CSMD1: variants seen among roughly 807,000 people sequenced by gnomAD.
CSMD1 encodes CUB and Sushi multiple domains 1.
CSMD1 carries 213 observed loss-of-function variants against 417.5 expected under a neutral mutation model. The observed-to-expected ratio is 0.51, with a 90% CI of 0.46 to 0.57. The LOEUF (loss-of-function observed/expected upper bound fraction) is 0.57, where lower values mean the gene tolerates loss of function less well. Among genes scored for constraint, CSMD1 ranks in the 20% least tolerant of loss-of-function variants. The probability of loss-of-function intolerance (pLI) is 0.00; values close to 1 mark genes in which losing one functional copy is unlikely to be tolerated. For synonymous variants in CSMD1, 2,862 were observed against 1,736.8 expected (o/e 1.65, Z -16.11); for missense variants, 6,923 against 4,529.7 (o/e 1.53, Z -15.17).
intron 6 of CSMD1, among the ~76,000 whole-genome samples, chr8:3,753,197 T>A (rs77203908): frequency 5.9e-5 from 9 of 152,254 alleles, no homozygotes; most frequent in African/African-American, 2.2e-4. Flanking sequence ...GGCACTTTGA[T>A]TGGGAAGGTC....
At chr8:3,144,296 A>T (rs1232950896) in intron 40 of CSMD1, among the ~76,000 whole-genome samples, 1 of 152,152 alleles carries the variant, frequency 6.6e-6, no homozygotes, top group Non-Finnish European at 1.5e-5. Flanking sequence ...AGACTAGACA[A>T]GAGCTGACAG....
Position 3,230,702 on chromosome 8 carries a change from G to A in CSMD1, c.4154-471C>T, listed in dbSNP as rs187369277. 2.9e-3 allele frequency among the ~76,000 whole-genome samples: 438 copies of A among 152,222 alleles called. 1 individual carries two copies. Among genetic ancestry groups the A allele is most frequent in the African/African-American group, 1.0e-2 (415 of 41,524 alleles). ...CTTTGTTGAGATGCCAAGGGTGGAA[G>A]GTCTAGAGGAGATGACCAGTGAGTT... On this transcript the variant is annotated intron_variant, in intron 26 of 69. Transcript: ENST00000635120.
chr8:3,155,239 T>C (rs1247881677), intron 39 of CSMD1, among the ~76,000 whole-genome samples: 5 of 152,008 alleles, frequency 3.3e-5, no homozygotes, highest in African/African-American at 7.2e-5. Flanking sequence ...TCCTGACTTT[T>C]AGGGAAGGCT....
chr8:4,922,837 T>C (rs901071158), intron 1 of CSMD1, among the ~76,000 whole-genome samples: 50 of 152,202 alleles, frequency 3.3e-4, no homozygotes, highest in African/African-American at 1.1e-3. Context: ...AGGAATTCCT[T>C]TACCAAGTTT....
intron 53 of CSMD1, among the ~76,000 whole-genome samples, chr8:2,999,402 C>T (rs1807202445): frequency 1.3e-5 from 2 of 152,262 alleles, no homozygotes; most frequent in Admixed American, 1.3e-4. Flanking sequence ...GATCCACCTG[C>T]CTCAGCCTCC....
chr8:4,741,074 G>A (rs1810572375), intron 1 of CSMD1, among the ~76,000 whole-genome samples: 2 of 151,978 alleles, frequency 1.3e-5, no homozygotes, highest in South Asian at 4.2e-4. Context: ...ATGCTTTAAG[G>A]AATGAAAATA....
chr8:3,658,217 T>C (rs1798227685), intron 7 of CSMD1, among the ~76,000 whole-genome samples: 2 of 152,108 alleles, frequency 1.3e-5, no homozygotes, highest in Non-Finnish European at 2.9e-5. Context: ...TGACTCTCAA[T>C]GTAAAATAAA....
chr8:3,610,407 T>C (rs996593370), intron 8 of CSMD1, among the ~76,000 whole-genome samples: 8 of 152,132 alleles, frequency 5.3e-5, no homozygotes, highest in Admixed American at 2.0e-4. Context: ...CAGTGGCTCA[T>C]GCTTATACTC....
chr8:3,194,979 G>A (rs181356823), intron 33 of CSMD1, among the ~76,000 whole-genome samples: 81 of 152,166 alleles, frequency 5.3e-4, no homozygotes, highest in African/African-American at 1.0e-3. Flanking sequence ...TGGGCACTGC[G>A]GAAGGGGTTC....
intron 10 of CSMD1, among the ~76,000 whole-genome samples, chr8:3,495,730 CA>C (rs2117314570): frequency 6.6e-6 from 1 of 152,228 alleles, no homozygotes; most frequent in East Asian, 1.9e-4. Flanking sequence ...ACCAGAGATG[CA>C]AATGAAAACT....
chr8:4,037,072 C>T (rs1023363332), intron 3 of CSMD1, among the ~76,000 whole-genome samples: 1 of 151,992 alleles, frequency 6.6e-6, no homozygotes, highest in Non-Finnish European at 1.5e-5. Flanking sequence ...CAGCTCTGGC[C>T]ACCCACAACC....
intron 47 of CSMD1, among the ~76,000 whole-genome samples, chr8:3,094,685 G>C (rs1045165202): frequency 2.6e-5 from 4 of 151,248 alleles, no homozygotes; most frequent in African/African-American, 9.7e-5. Flanking sequence ...AGCATTATGG[G>C]ATATCCACTA....
At chr8:3,643,724 G>GAAAAAAAAAAAAAAAAAAAAAA (rs1431798280) in intron 7 of CSMD1, among the ~76,000 whole-genome samples, 4 of 120,832 alleles carry the variant, frequency 3.3e-5, no homozygotes, top group East Asian at 4.8e-4. Flanking sequence ...AAAAAAAAAG[G>GAAAAAAAAAAAAAAAAAAAAAA]AAATGCCTCC....
intron 1 of CSMD1, among the ~76,000 whole-genome samples, chr8:4,689,307 G>A (rs541005800): frequency 2.0e-5 from 3 of 152,224 alleles, no homozygotes; most frequent in African/African-American, 4.8e-5. Flanking sequence ...AGGTATATTT[G>A]GGTTTTGCTA....
intron 3 of CSMD1, among the ~76,000 whole-genome samples, chr8:4,140,644 G>A (rs544561011): frequency 6.6e-6 from 1 of 150,750 alleles, no homozygotes. Flanking sequence ...CTCCAGGCTG[G>A]GCAACAGAGC....
At chr8:4,292,409 C>A (rs1279987067) in intron 3 of CSMD1, among the ~76,000 whole-genome samples, 1 of 151,974 alleles carries the variant, frequency 6.6e-6, no homozygotes, top group East Asian at 1.9e-4. Flanking sequence ...CCCGCCACCA[C>A]GCCCGGCTAA....
chr8:3,119,424 C>T (rs557068341), intron 41 of CSMD1, among the ~76,000 whole-genome samples: 1 of 134,382 alleles, frequency 7.4e-6, no homozygotes, highest in Admixed American at 8.1e-5. Context: ...ACTGTATAAT[C>T]CCTAAGCTGA....
chr8:3,421,936 C>T (rs1387761848), intron 12 of CSMD1, among the ~76,000 whole-genome samples: 1 of 151,516 alleles, frequency 6.6e-6, no homozygotes, highest in East Asian at 1.9e-4. Context: ...CGGCGCCCGG[C>T]CCCACAGATG....
At chr8:4,771,062 T>A (rs1796574037) in intron 1 of CSMD1, among the ~76,000 whole-genome samples, 1 of 152,148 alleles carries the variant, frequency 6.6e-6, no homozygotes, top group Non-Finnish European at 1.5e-5. Context: ...ATATATCAGA[T>A]AAGGAGTTAA....
Sources: gnomAD v4.1 joint callset for allele counts (sites outside exome capture counted in the v4.1 genomes callset) on GRCh38, gnomAD v4.1.1 for gene constraint, MANE v1.5 for transcripts, NCBI Gene and HGNC (gene_info 2026-07-23, HGNC 2026-07-21) for gene names.